TRPM3: variants seen among roughly 807,000 people sequenced by gnomAD.
TRPM3 encodes the protein transient receptor potential cation channel subfamily M member 3.
TRPM3 carries 77 observed loss-of-function variants against 181.2 expected under a neutral mutation model. The observed-to-expected ratio is 0.42, with a 90% CI of 0.35 to 0.51. The LOEUF (loss-of-function observed/expected upper bound fraction) is 0.51, where lower values mean the gene tolerates loss of function less well. TRPM3 is among the 20% of genes least tolerant of loss of function. The pLI, the probability that TRPM3 is intolerant of heterozygous loss-of-function variation, is 0.01. For missense variants in TRPM3, 1,759 were observed against 2,196.7 expected (o/e 0.80, Z 3.98); for synonymous variants, 745 against 796.4 (o/e 0.94, Z 1.09).
chr9:70,805,358 A>AC (rs1308310694), intron 6 of TRPM3, among the ~76,000 whole-genome samples: 1 of 151,898 alleles, frequency 6.6e-6, no homozygotes, highest in Non-Finnish European at 1.5e-5. Context: ...ACACGGTGAG[A>AC]CCCCATCTCT....
chr9:71,032,567 AAGAC>A (rs1213365284), intron 1 of TRPM3, among the ~76,000 whole-genome samples: 1 of 152,256 alleles, frequency 6.6e-6, no homozygotes, highest in East Asian at 1.9e-4. Context: ...TTAATAAGCA[AAGAC>A]ATGCTGGATT....
chr9:70,610,376 GT>G (rs1308638657), intron 19 of TRPM3, among the ~76,000 whole-genome samples: 5 of 152,160 alleles, frequency 3.3e-5, no homozygotes, highest in Non-Finnish European at 7.4e-5. Flanking sequence ...ATTACTGTTA[GT>G]TCTCACCTCC....
At chr9:71,229,000 G>A (rs1260743993) in intron 1 of TRPM3, among the ~76,000 whole-genome samples, 1 of 152,014 alleles carries the variant, frequency 6.6e-6, no homozygotes, top group Middle Eastern at 3.2e-3. Flanking sequence ...TTAAGACTCA[G>A]AATAGTCAAA....
At chr9:70,620,916 A>G (rs1049090736) in intron 15 of TRPM3, among the ~76,000 whole-genome samples, 3 of 151,462 alleles carry the variant, frequency 2.0e-5, no homozygotes, top group Non-Finnish European at 4.4e-5. Context: ...TTTTCAGGTT[A>G]GTATTTCAAA....
chr9:71,075,493 G>A (rs2063334675), intron 1 of TRPM3, among the ~76,000 whole-genome samples: 1 of 152,152 alleles, frequency 6.6e-6, no homozygotes, highest in African/African-American at 2.4e-5. Flanking sequence ...TTGTTCCCAT[G>A]TGGATTTCGA....
chr9:70,582,025 T>A (rs1202066212), intron 22 of TRPM3, among the ~76,000 whole-genome samples: 1 of 151,866 alleles, frequency 6.6e-6, no homozygotes, highest in African/African-American at 2.4e-5. Context: ...TCTCTGCACA[T>A]ATACTACAAT....
intron 1 of TRPM3, among the ~76,000 whole-genome samples, chr9:71,225,787 G>T (rs1212136629): frequency 2.0e-5 from 3 of 151,774 alleles, no homozygotes; most frequent in African/African-American, 7.3e-5. Context: ...CTCCCTAGTA[G>T]CTGGGATTAC....
intron 1 of TRPM3, among the ~76,000 whole-genome samples, chr9:71,013,449 C>T (rs2097761548): frequency 6.6e-6 from 1 of 151,416 alleles, no homozygotes; most frequent in Non-Finnish European, 1.5e-5. Flanking sequence ...CGTGAGAATA[C>T]TTTGGAAGCT....
rs183683339 is a variant in TRPM3, at chr9:71,066,049, T to G, written c.177+55129A>C. ...GTACTTCTCAAGAATGAGGCATTGTTTATGTAATGATGGCCCCTAGTCACC... is the reference window on the plus strand; with the variant it reads ...GTACTTCTCAAGAATGAGGCATTGTGTATGTAATGATGGCCCCTAGTCACC... On this transcript the variant is annotated intron_variant, in intron 1 of 25. Transcript: ENST00000677713. 2.0e-4 allele frequency among the ~76,000 whole-genome samples: 30 copies of G among 152,248 alleles called. No homozygotes were observed. The East Asian group carries it at 3.9e-3, about 20-fold the overall frequency.
chr9:71,215,975 G>C (rs2079839803), intron 1 of TRPM3, among the ~76,000 whole-genome samples: 1 of 152,196 alleles, frequency 6.6e-6, no homozygotes, highest in Admixed American at 6.5e-5. Context: ...CATAGCTAAA[G>C]ATGGATCAGA....
At chr9:71,332,577 A>T (rs1339351228) in intron 1 of TRPM3, among the ~76,000 whole-genome samples, 1 of 151,864 alleles carries the variant, frequency 6.6e-6, no homozygotes, top group Non-Finnish European at 1.5e-5. Context: ...AAAAAAAACA[A>T]AAATGTGAAA....
chr9:71,095,775 A>AAAAG (rs1554824412), intron 1 of TRPM3, among the ~76,000 whole-genome samples: 7 of 150,878 alleles, frequency 4.6e-5, no homozygotes, highest in African/African-American at 9.7e-5. Flanking sequence ...AAAAAAAAAA[A>AAAAG]AAAGAAAGAA....
chr9:70,766,212 G>C (rs1270291788), intron 7 of TRPM3, among the ~76,000 whole-genome samples: 2 of 152,126 alleles, frequency 1.3e-5, no homozygotes, highest in Admixed American at 1.3e-4. Context: ...CCAGTGCTCA[G>C]GGTAACCATC....
intron 8 of TRPM3, among the ~76,000 whole-genome samples, chr9:70,754,920 ACCTCTCTTAG>A (rs1192249529): frequency 1.3e-5 from 2 of 151,988 alleles, no homozygotes; most frequent in Non-Finnish European, 2.9e-5. Flanking sequence ...ACATCTCCCC[ACCTCTCTTAG>A]CCTCAGTTCC....
chr9:71,066,634 T>G (rs1444564961), intron 1 of TRPM3, among the ~76,000 whole-genome samples: 1 of 152,178 alleles, frequency 6.6e-6, no homozygotes, highest in East Asian at 1.9e-4. Flanking sequence ...TGCTGTATAA[T>G]TAACAACTCT....
intron 22 of TRPM3, among the ~76,000 whole-genome samples, chr9:70,555,644 G>C (rs1189587248): frequency 2.0e-5 from 3 of 152,152 alleles, no homozygotes; most frequent in African/African-American, 4.8e-5. Context: ...CCCTCAGCTT[G>C]GCAAGGAATC....
chr9:71,031,464 G>A (rs1332782478), intron 1 of TRPM3, among the ~76,000 whole-genome samples: 1 of 152,084 alleles, frequency 6.6e-6, no homozygotes, highest in African/African-American at 2.4e-5. Context: ...ATCGAGAATG[G>A]AGGCATTACA....
At chr9:70,606,864 C>G (rs959490864) in intron 19 of TRPM3, among the ~76,000 whole-genome samples, 1 of 152,242 alleles carries the variant, frequency 6.6e-6, no homozygotes, top group Non-Finnish European at 1.5e-5. Flanking sequence ...AAGCCTGACA[C>G]AGTTTGCTAT....
rs1590368350 is a variant in TRPM3 at position 70,992,402 on chromosome 9, T to C, written c.178-127891A>G. 4.6e-5 allele frequency among the ~76,000 whole-genome samples: 7 copies of C among 152,312 alleles called. No individual in the cohort carries two copies. The East Asian group carries it at 1.2e-3, about 25-fold the overall frequency. On this transcript the variant is annotated intron_variant, in intron 1 of 25. Transcript: ENST00000677713. Reference sequence around the variant, plus strand: ...AATTCTCCTGGTCCCTCTGGGTAGATTAATTCTGCCCCCAGCCCGTTCATT... The same window carrying C: ...AATTCTCCTGGTCCCTCTGGGTAGACTAATTCTGCCCCCAGCCCGTTCATT...
Sources: gnomAD v4.1 joint callset for allele counts (sites outside exome capture counted in the v4.1 genomes callset) on GRCh38, gnomAD v4.1.1 for gene constraint, MANE v1.5 for transcripts, NCBI Gene and HGNC (gene_info 2026-07-23, HGNC 2026-07-21) for gene names.